IQCH: variants seen among roughly 807,000 people sequenced by gnomAD.
The protein encoded by IQCH is IQ domain-containing protein H.
Under a neutral mutation model 117.0 loss-of-function variants are expected in IQCH, and 98 were observed. The observed-to-expected ratio is 0.84, with a 90% CI of 0.71 to 0.99. IQCH has a LOEUF of 0.99. IQCH is among the 50% of genes least tolerant of loss of function. IQCH has a pLI of 0.00. For missense variants in IQCH, 1,102 were observed against 1,243.8 expected (o/e 0.89, Z 1.72); for synonymous variants, 412 against 448.2 (o/e 0.92, Z 1.02).
chr15:67,423,318 C>T (rs536584245), intron 16 of IQCH, among the ~76,000 whole-genome samples: 1 of 152,236 alleles, frequency 6.6e-6, no homozygotes, highest in South Asian at 2.1e-4. Context: ...GTAATCCCAG[C>T]ACTTTGGGAG....
In IQCH at chr15:67,407,602, T is replaced by C. The variant is rs1971957983; in HGVS notation, c.2097+7297T>C. ...GCTGTTGGTTTGTGTGTCCTATTGA[T>C]TTAATATGCTTCTAATCAGTACATA... On this transcript the variant is annotated intron_variant, in intron 14 of 20. Coordinates refer to ENST00000335894, the MANE Select transcript of IQCH (RefSeq NM_001031715.3). The surrounding 1 kb of genome is among the most constrained non-coding windows in gnomAD (Gnocchi z 5.3). 6.6e-6 allele frequency: 1 copy of C among 152,170 alleles called. No homozygotes were observed. Among genetic ancestry groups the C allele is most frequent in the South Asian group, 2.1e-4 (1 of 4,826 alleles). The allele number at this position is 152,170 out of a possible 1,614,324, so 9.4% of individuals were successfully genotyped here.
In IQCH at chr15:67,466,505, G is replaced by A. The variant is rs555689097; in HGVS notation, c.2676+1208G>A. ...TGTCCCAGAGATACCTTTTCCAAGC[G>A]GTCTCCTGCCTCTCTGTGAACCCCT... On this transcript the variant is annotated intron_variant, in intron 17 of 20. Coordinates refer to ENST00000335894, the MANE Select transcript of IQCH (RefSeq NM_001031715.3). This position sits in a 1 kb window ranked among gnomAD's most constrained non-coding sequence, Gnocchi z 4.4. 14 of 152,250 alleles carry A rather than the reference G, an allele frequency of 9.2e-5. No homozygotes were observed. Among genetic ancestry groups the A allele is most frequent in the African/African-American group, 3.1e-4 (13 of 41,526 alleles). The allele number at this position is 152,250 out of a possible 1,614,324, so 9.4% of individuals were successfully genotyped here. A position where few individuals can be genotyped will look rare whatever the true frequency, so the allele number is the denominator to read the frequency against.
At position 67,254,827 on chromosome 15, in the gene IQCH, C is replaced by G; in HGVS notation, c.-70C>G. On this transcript the variant is annotated 5_prime_UTR_variant, in exon 1 of 21. Transcript: ENST00000335894. ...CGCGCGGTGTTGCCATGGGGACGAG[C>G]GGCTCCGGCTGAAGGTTTCCGTGCT... 6.6e-7 allele frequency: 1 copy of G among 1,514,966 alleles called. No individual in the cohort carries two copies. The highest frequency in any genetic ancestry group is 9.1e-7 in the Non-Finnish European group (1 of 1,104,314). The allele number at this position is 1,514,966 out of a possible 1,614,324, so 93.8% of individuals were successfully genotyped here.
chr15:67,291,791 A>G (rs927080941), intron 4 of IQCH, among the ~76,000 whole-genome samples: 7 of 152,218 alleles, frequency 4.6e-5, no homozygotes, highest in African/African-American at 1.7e-4. Context: ...GAGAATGCCT[A>G]CAAGGATCCA....
rs1660157320 is a variant in IQCH, at chr15:67,476,029, A to G, written c.2799+211A>G. ...CCTGGAAAGTTCTACTTCGTCTCCAATCTTACACACCCACTTTGCTAAAGC... is the reference window on the plus strand; with the variant it reads ...CCTGGAAAGTTCTACTTCGTCTCCAGTCTTACACACCCACTTTGCTAAAGC... On this transcript the variant is annotated intron_variant, in intron 18 of 20. Transcript: ENST00000335894. This position sits in a 1 kb window ranked among gnomAD's most constrained non-coding sequence, Gnocchi z 4.1. 6.6e-6 allele frequency among the ~76,000 whole-genome samples: 1 copy of G among 152,234 alleles called. No individual in the cohort carries two copies. The highest frequency in any genetic ancestry group is 2.4e-5 in the African/African-American group (1 of 41,464).
At chr15:67,305,029 G>A (rs16950838) in intron 4 of IQCH, among the ~76,000 whole-genome samples, 2,249 of 152,128 alleles carry the variant, frequency 0.015, 54 homozygotes, top group African/African-American at 0.048. Flanking sequence ...CTAAAGCAAG[G>A]ATTGTACTCT....
At position 67,401,755 on chromosome 15, in the gene IQCH, A is replaced by G. The variant is rs1971667231; in HGVS notation, c.2097+1450A>G. On this transcript the variant is annotated intron_variant, in intron 14 of 20. Transcript: ENST00000335894. This position sits in a 1 kb window ranked among gnomAD's most constrained non-coding sequence, Gnocchi z 4.7. ...ATGGCCAGCTTTTTACATATTATTT[A>G]AAAGACACCAAAATGAATTACTCTT... Among the ~76,000 whole-genome samples the G allele has an allele frequency of 6.6e-6, 1 of 152,200 alleles. No homozygotes were observed. Among genetic ancestry groups the G allele is most frequent in the Non-Finnish European group, 1.5e-5 (1 of 68,036 alleles).
rs1175782574 is a variant in IQCH at position 67,427,893 on chromosome 15, A to G, written c.2505+6316A>G. Among the ~76,000 whole-genome samples, 2 of 150,154 alleles carry G rather than the reference A, an allele frequency of 1.3e-5. No individual in the cohort carries two copies. The highest frequency in any genetic ancestry group is 2.9e-5 in the Non-Finnish European group (2 of 67,890). ...GCCCAGGCTGGAGTGCAGTGGCATG[A>G]TCTTGCTTCACTGTAATCTTTGCCT... On this transcript the variant is annotated intron_variant, in intron 16 of 20. Coordinates refer to ENST00000335894, the MANE Select transcript of IQCH (RefSeq NM_001031715.3). This position sits in a 1 kb window ranked among gnomAD's most constrained non-coding sequence, Gnocchi z 4.7.
rs369068114 is a variant in IQCH at position 67,337,022 on chromosome 15, G to A, written c.435G>A (p.Thr145=). The A allele has an allele frequency of 9.5e-5, 153 of 1,613,510 alleles. No homozygotes were observed. The highest frequency in any genetic ancestry group is 1.2e-4 in the Non-Finnish European group (144 of 1,179,740). ...AAGGGTCTAACATATCCAGCCTCAC[G>A]GTTCTGCCATCTTCTCATTGCACAG... is the stretch of plus-strand genomic sequence containing the variant. The part of the protein sequence containing the change: ...LIKGSNISSL[T]VLPSSHCTDP... Residue 145 remains threonine, a synonymous_variant, in exon 5 of 21, where the codon ACG becomes ACA. Coordinates refer to ENST00000335894, the MANE Select transcript of IQCH (RefSeq NM_001031715.3).
In IQCH at chr15:67,474,435, A is replaced by C. The variant is rs377630975; in HGVS notation, c.2677-1261A>C. ...TATGCAGTTCTCCAAATTTCCAGCT[A>C]TCTAGAGAAAAACAGCTGATTGACT... On this transcript the variant is annotated intron_variant, in intron 17 of 20. Transcript: ENST00000335894. The surrounding 1 kb of genome is among the most constrained non-coding windows in gnomAD (Gnocchi z 4.1). Among the ~76,000 whole-genome samples the C allele has an allele frequency of 1.3e-5, 2 of 152,160 alleles. No individual in the cohort carries two copies. Among genetic ancestry groups the C allele is most frequent in the African/African-American group, 4.8e-5 (2 of 41,448 alleles).
At position 67,416,076 on chromosome 15, in the gene IQCH, T is replaced by A. The variant is rs530560266; in HGVS notation, c.2098-855T>A. ...AGACCCTGTCTCAAAAAATTTTTTT[T>A]AAAAATTAAAAAATATATGGAGGTG... is the stretch of plus-strand genomic sequence containing the variant. On this transcript the variant is annotated intron_variant, in intron 14 of 20. Coordinates refer to ENST00000335894, the MANE Select transcript of IQCH (RefSeq NM_001031715.3). This position sits in a 1 kb window ranked among gnomAD's most constrained non-coding sequence, Gnocchi z 5.1. 3.9e-5 allele frequency among the ~76,000 whole-genome samples: 6 copies of A among 152,066 alleles called. No individual in the cohort carries two copies. The highest frequency in any genetic ancestry group is 1.3e-4 in the Admixed American group (2 of 15,266).
Position 67,263,169 on chromosome 15 carries a change from G to T in IQCH, c.222G>T (p.Thr74=), listed in dbSNP as rs1387341583. Residue 74 remains threonine (T), a synonymous_variant, in exon 3 of 21, where the codon ACG becomes ACT. Coordinates refer to ENST00000335894, the MANE Select transcript of IQCH (RefSeq NM_001031715.3). ...YLNVVNQNVL[T]TSVNDESLYT... ...ATGTTGTAAACCAGAATGTATTAAC[G>T]ACTTCTGTTAATGATGAGAGCTTAT... The T allele has an allele frequency of 1.9e-6, 3 of 1,583,506 alleles. No homozygotes were observed. Among genetic ancestry groups the T allele is most frequent in the Non-Finnish European group, 2.6e-6 (3 of 1,152,640 alleles).
In IQCH at chr15:67,481,952, G is replaced by C. The variant is rs188435128; in HGVS notation, c.2799+6134G>C. Among the ~76,000 whole-genome samples, 2 of 152,202 alleles carry C rather than the reference G, an allele frequency of 1.3e-5. No individual in the cohort carries two copies. The highest frequency in any genetic ancestry group is 4.8e-5 in the African/African-American group (2 of 41,456). ...GAAAGTTTTAAAATTGCTAAGGATG[G>C]CTTGTGCCTGTAATCCTAGCTGCTC... On this transcript the variant is annotated intron_variant, in intron 18 of 20. Coordinates refer to ENST00000335894, the MANE Select transcript of IQCH (RefSeq NM_001031715.3). This position sits in a 1 kb window ranked among gnomAD's most constrained non-coding sequence, Gnocchi z 4.1.
At chr15:67,362,557 C>T (rs1013405724) in intron 8 of IQCH, among the ~76,000 whole-genome samples, 25 of 152,120 alleles carry the variant, frequency 1.6e-4, no homozygotes, top group African/African-American at 5.8e-4. Flanking sequence ...TTTAATCAGG[C>T]AATATGTGTG....
chr15:67,383,302 G>A (rs1009714191), intron 10 of IQCH, among the ~76,000 whole-genome samples: 9 of 152,174 alleles, frequency 5.9e-5, no homozygotes, highest in Non-Finnish European at 1.2e-4. Flanking sequence ...CATTTTATAT[G>A]CATTCTTGAT....
intron 16 of IQCH, among the ~76,000 whole-genome samples, chr15:67,460,424 T>C (rs183163228): frequency 6.6e-6 from 1 of 152,370 alleles, no homozygotes; most frequent in East Asian, 1.9e-4. Context: ...TTTGCTGTTT[T>C]GTGCATCTTC....
rs143117263 is a variant in IQCH at position 67,450,824 on chromosome 15, T to C, written c.2506-14303T>C. Among the ~76,000 whole-genome samples, 543 of 152,364 alleles carry C rather than the reference T, an allele frequency of 3.6e-3. 19 individuals carry two copies. In the East Asian group the frequency reaches 0.055, roughly 16 times the overall value. ...TACCAGCTCCTCTTTGTACCGCTGGTAGAATTCGGCTGTGAATCCATCTGG... is the reference window on the plus strand; with the variant it reads ...TACCAGCTCCTCTTTGTACCGCTGGCAGAATTCGGCTGTGAATCCATCTGG... On this transcript the variant is annotated intron_variant, in intron 16 of 20. Transcript: ENST00000335894.
In IQCH at chr15:67,357,424, A is replaced by G. The variant is rs759895938; in HGVS notation, c.714+3A>G. The G allele has an allele frequency of 1.1e-5, 17 of 1,562,910 alleles. No individual in the cohort carries two copies. Among genetic ancestry groups the G allele is most frequent in the Non-Finnish European group, 2.6e-6 (3 of 1,133,186 alleles). On this transcript the variant is annotated splice_donor_region_variant and intron_variant, in intron 7 of 20. Transcript: ENST00000335894. Reference sequence around the variant, plus strand: ...TTCCCAAGAAACAAAGATCAAAGGTATTTATATTCCTCACTATAGAAAGAA... The same window carrying G: ...TTCCCAAGAAACAAAGATCAAAGGTGTTTATATTCCTCACTATAGAAAGAA...
At chr15:67,261,556 CTGAT>C (rs1965463635) in intron 2 of IQCH, among the ~76,000 whole-genome samples, 162 bp downstream of exon 2, 1 of 152,164 alleles carries the variant, frequency 6.6e-6, no homozygotes, top group African/African-American at 2.4e-5. Context: ...TAATTATTAA[CTGAT>C]TGATTTATAT....
Sources: allele counts gnomAD v4.1 joint callset (sites outside exome capture counted in the v4.1 genomes callset), GRCh38; gene constraint gnomAD v4.1.1; non-coding constraint Gnocchi (gnomAD v3.1); transcripts MANE v1.5; gene names NCBI Gene and HGNC (gene_info 2026-07-23, HGNC 2026-07-21).